FCRL3: variants seen among roughly 807,000 people sequenced by gnomAD.
FCRL3 encodes Fc receptor-like protein 3.
Under a neutral mutation model 75.0 loss-of-function variants are expected in FCRL3, and 89 were observed. The ratio of observed to expected loss-of-function variants is 1.19; its 90% CI spans 1.00 to 1.42. The LOEUF is 1.42. Ranked by LOEUF, FCRL3 falls within the 40% of genes most tolerant of loss-of-function variation. FCRL3 has a pLI of 0.00. For synonymous variants in FCRL3, 376 were observed against 348.5 expected (o/e 1.08, Z -0.88); for missense variants, 946 against 880.0 (o/e 1.07, Z -0.95).
chr1:157,696,422 C>T lies in FCRL3; in HGVS notation c.845-95G>A, dbSNP rs1413373482. 8 of 1,339,490 alleles carry T rather than the reference C, an allele frequency of 6.0e-6. No homozygotes were observed. In the Admixed American group the frequency reaches 1.4e-4, roughly 24 times the overall value. 83.0% of individuals were successfully genotyped at this position (1,339,490 alleles called of 1,614,324 possible). A position where few individuals can be genotyped will look rare whatever the true frequency, so the allele number is the denominator to read the frequency against. On this transcript the variant is annotated intron_variant, in intron 6 of 14. Coordinates refer to ENST00000368184, the MANE Select transcript of FCRL3 (RefSeq NM_052939.4). The stretch of plus-strand genomic sequence containing the variant: ...GCTACCATGAATAGGCCAATAGCAG[C>T]AGGTGCAGCAGGCAGAAGCCCAAAG...
Position 157,697,383 on chromosome 1 carries a change from G to A in FCRL3, c.601C>T (p.Pro201Ser), listed in dbSNP as rs761816945. The part of the protein sequence containing the change: ...HPVLRASSST[P>S]IEGSPMTLTC... ...AGGGTCATGGGACTCCCCTCTATGG[G>A]CGTGGAAGAGCTGGCTCTCAGCACA... Residue 201 changes from proline to serine, a missense_variant, in exon 6 of 15, where the codon CCC becomes TCC. Pro to Ser is a moderately conservative substitution (Grantham distance 74, BLOSUM62 -1). Transcript: ENST00000368184. 1.3e-6 allele frequency: 2 copies of A among 1,567,448 alleles called. No homozygotes were observed. Among genetic ancestry groups the A allele is most frequent in the African/African-American group, 2.7e-5 (2 of 72,912 alleles).
intron 13 of FCRL3, among the ~76,000 whole-genome samples, chr1:157,679,828 C>CAAAAAAAAAAAAAAAAAAAAAAAA (rs879258382): frequency 1.1e-4 from 3 of 27,906 alleles, no homozygotes; most frequent in Non-Finnish European, 2.7e-4. Context: ...GACCCCATCT[C>CAAAAAAAAAAAAAAAAAAAAAAAA]ACAAAAAAAA....
Position 157,695,509 on chromosome 1 carries a change from G to A in FCRL3, c.1231C>T (p.Pro411Ser), listed in dbSNP as rs758903910. 4 of 1,614,064 alleles carry A rather than the reference G, an allele frequency of 2.5e-6. No homozygotes were observed. The highest frequency in any genetic ancestry group is 3.4e-6 in the Non-Finnish European group (4 of 1,180,032). The stretch of plus-strand genomic sequence containing the variant: ...TGATAAAATCGGTACAGGATCGGGG[G>A]AGAGCCTCTCAGGGACTCACAGTGA... ...ELHCESLRGS[P>S]PILYRFYHED... Residue 411 changes from proline (P) to serine (S), a missense_variant, in exon 8 of 15, where the codon CCC becomes TCC. By Grantham distance (74) the Pro-to-Ser change is moderately conservative. Coordinates refer to ENST00000368184, the MANE Select transcript of FCRL3 (RefSeq NM_052939.4).
At chr1:157,679,485 A>G (rs1344544593) in intron 13 of FCRL3, among the ~76,000 whole-genome samples, 1 of 152,162 alleles carries the variant, frequency 6.6e-6, no homozygotes, top group Non-Finnish European at 1.5e-5. Flanking sequence ...AAAGAGTTGC[A>G]TTGGAGCATT....
At position 157,690,339 on chromosome 1, in the gene FCRL3, T is replaced by C; in HGVS notation, c.1606A>G (p.Thr536Ala). The change falls in exon 9 of 15, where the codon ACA (threonine) becomes GCA (alanine). Residue 536 changes from threonine to alanine, a missense_variant. Thr to Ala is a moderately conservative substitution (Grantham distance 58). Transcript: ENST00000368184. ...GGASFNLSLT[T>A]EHSGNYSCEA... is the part of the protein sequence containing the mutation. ...CATGAGTAGTTTCCAGAATGTTCTGTAGTCAGAGAGAGGTTGAAGGATGCC... is the reference window on the plus strand; with the variant it reads ...CATGAGTAGTTTCCAGAATGTTCTGCAGTCAGAGAGAGGTTGAAGGATGCC... The C allele has an allele frequency of 1.9e-6, 3 of 1,614,220 alleles. No homozygotes were observed. Among genetic ancestry groups the C allele is most frequent in the Non-Finnish European group, 2.5e-6 (3 of 1,180,036 alleles).
chr1:157,698,545 C>T lies in FCRL3; in HGVS notation c.137G>A (p.Ser46Asn), dbSNP rs1013565012. ...TCCCTGGGCTAGGGAATGTGATATGCTGCTGCATATGAGAGCCACTTTTTC... is the reference window on the plus strand; with the variant it reads ...TCCCTGGGCTAGGGAATGTGATATGTTGCTGCATATGAGAGCCACTTTTTC... ...KGEKVALICSSISHSLAQGDT... is the reference protein window; with the variant it reads ...KGEKVALICSNISHSLAQGDT... The change falls in exon 4 of 15, where the codon AGC becomes AAC. Residue 46 changes from serine to asparagine, a missense_variant. Ser to Asn is a conservative substitution (Grantham distance 46, BLOSUM62 1). Transcript: ENST00000368184. 1.2e-6 allele frequency: 2 copies of T among 1,614,144 alleles called. No individual in the cohort carries two copies. The highest frequency in any genetic ancestry group is 1.3e-5 in the African/African-American group (1 of 75,058).
chr1:157,699,898 C>T (rs893705406), intron 2 of FCRL3, among the ~76,000 whole-genome samples, 186 bp from the exon 3 acceptor site: 1 of 152,152 alleles, frequency 6.6e-6, no homozygotes, highest in Non-Finnish European at 1.5e-5. Context: ...ATGTCCAAGG[C>T]CTGACCTCAT....
rs7548095 is a variant in FCRL3, at chr1:157,679,602, G to A, written c.2027-629C>T. Among the ~76,000 whole-genome samples, 126 of 152,110 alleles carry A rather than the reference G, an allele frequency of 8.3e-4. 1 individual carries two copies. In the Middle Eastern group the frequency reaches 0.017, roughly 21 times the overall value. On this transcript the variant is annotated intron_variant, in intron 13 of 14. Coordinates refer to ENST00000368184, the MANE Select transcript of FCRL3 (RefSeq NM_052939.4). ...AGCAATGCCTTCTATTAGGCATTAG[G>A]TAAGGTATAAGGAGATAGAAATGAC...
intron 13 of FCRL3, chr1:157,679,307 A>G (rs1654670906): frequency 2.7e-6 from 1 of 372,952 alleles, no homozygotes; most frequent in Non-Finnish European, 5.0e-6. Flanking sequence ...TCTGCTCATT[A>G]TAACCCCAGA....
chr1:157,697,014 GAGA>G lies in FCRL3; in HGVS notation c.844+123_844+125del, dbSNP rs768082401. 2.5e-5 allele frequency: 24 copies of G among 964,394 alleles called. No homozygotes were observed. In the South Asian group the frequency reaches 8.1e-4, roughly 33 times the overall value. The allele number at this position is 964,394 out of a possible 1,614,324, so 59.7% of individuals were successfully genotyped here. On this transcript the variant is annotated intron_variant, in intron 6 of 14. Coordinates refer to ENST00000368184, the MANE Select transcript of FCRL3 (RefSeq NM_052939.4). Reference sequence around the variant, plus strand: ...GTTAGACCAACGTTGAGCTTAAAGAGAGAAGATTACCAGAATAGCTGGACACTC... The same window carrying G: ...GTTAGACCAACGTTGAGCTTAAAGAGAGATTACCAGAATAGCTGGACACTC...
In FCRL3 at chr1:157,678,422, C is replaced by A. The variant is rs1162817818; in HGVS notation, c.*288G>T. 8.8e-6 allele frequency: 11 copies of A among 1,248,666 alleles called. No individual in the cohort carries two copies. Among genetic ancestry groups the A allele is most frequent in the Non-Finnish European group, 8.1e-6 (8 of 989,100 alleles). 77.3% of individuals were successfully genotyped at this position (1,248,666 alleles called of 1,614,324 possible). On this transcript the variant is annotated 3_prime_UTR_variant, in exon 15 of 15. Transcript: ENST00000368184. The stretch of plus-strand genomic sequence containing the variant: ...CCTTGTAACCCTGGCTAGACCATTT[C>A]TCTCTCCTCCTCTATTCGACAGCCC...
chr1:157,680,803 C>T, intron 12 of FCRL3, 33 bp from the exon 13 acceptor site: 2 of 1,598,748 alleles, frequency 1.3e-6, no homozygotes, highest in Admixed American at 1.7e-5. Flanking sequence ...TGGTTGCAGT[C>T]AAGAGCTCAT....
At chr1:157,700,139 G>T (rs964368583) in intron 2 of FCRL3, among the ~76,000 whole-genome samples, 2 of 152,208 alleles carry the variant, frequency 1.3e-5, no homozygotes, top group Non-Finnish European at 2.9e-5. Context: ...AGAAGTAACT[G>T]CTCATCTGAA....
rs74120721 is a variant in FCRL3 at position 157,695,142 on chromosome 1, A to T, written c.1411+187T>A. Among the ~76,000 whole-genome samples the T allele has an allele frequency of 2.2e-3, 342 of 152,292 alleles. 1 individual carries two copies. The highest frequency in any genetic ancestry group is 7.9e-3 in the African/African-American group (328 of 41,562). On this transcript the variant is annotated intron_variant, in intron 8 of 14. Coordinates refer to ENST00000368184, the MANE Select transcript of FCRL3 (RefSeq NM_052939.4). ...TGTTGATGATAATTACAGAGGAATT[A>T]AAAAAAGGAATGGTCTAAGTTACTA...
Position 157,677,103 on chromosome 1 carries a change from G to A in FCRL3, c.*1607C>T, listed in dbSNP as rs1654510437. The A allele has an allele frequency of 2.7e-6, 3 of 1,096,568 alleles. No homozygotes were observed. The highest frequency in any genetic ancestry group is 2.8e-5 in the South Asian group (1 of 36,066). The allele number at this position is 1,096,568 out of a possible 1,614,324, so 67.9% of individuals were successfully genotyped here. ...ATCATGCCCTGCACTCAAAGGCCAG[G>A]ATAAGGGTAACAGAGGCCAGTGGGA... On this transcript the variant is annotated 3_prime_UTR_variant, in exon 15 of 15. Transcript: ENST00000368184.
intron 10 of FCRL3, among the ~76,000 whole-genome samples, chr1:157,686,498 A>G (rs1655185852): frequency 6.6e-6 from 1 of 152,218 alleles, no homozygotes; most frequent in Non-Finnish European, 1.5e-5. Context: ...CTAAGCAAAG[A>G]CAGCAAAGCT....
At chr1:157,694,460 T>C (rs754287428) in intron 8 of FCRL3, among the ~76,000 whole-genome samples, 18 of 152,190 alleles carry the variant, frequency 1.2e-4, no homozygotes, top group Non-Finnish European at 2.5e-4. Flanking sequence ...CTGGAATCAT[T>C]GGAGAACAAG....
Position 157,698,438 on chromosome 1 carries a change from A to C in FCRL3, c.244T>G (p.Cys82Gly), listed in dbSNP as rs780334142. The C allele has an allele frequency of 6.2e-7, 1 of 1,614,058 alleles. No homozygotes were observed. The highest frequency in any genetic ancestry group is 1.1e-5 in the South Asian group (1 of 91,084). Residue 82 changes from cysteine to glycine, a missense_variant, in exon 4 of 15, where the codon TGT becomes GGT. Coordinates refer to ENST00000368184, the MANE Select transcript of FCRL3 (RefSeq NM_052939.4). The stretch of plus-strand genomic sequence containing the variant: ...CTGAGGGAGGATCCTCGGGTCTTAC[A>C]TTGGTAATTTCCAGGCTCTGTAATT... Reference protein sequence around the residue: ...IQITEPGNYQCKTRGSSLSDA... With the variant: ...IQITEPGNYQGKTRGSSLSDA...
Position 157,695,498 on chromosome 1 carries a change from CAGGATCGGGGGAG to C in FCRL3, c.1229_1241del (p.Ser410CysfsTer28). ...TGACATCCTCATGATAAAATCGGTA[CAGGATCGGGGGAG>C]AGCCTCTCAGGGACTCACAGTGAAG... On this transcript the variant is annotated frameshift_variant, in exon 8 of 15. Coordinates refer to ENST00000368184, the MANE Select transcript of FCRL3 (RefSeq NM_052939.4). LOFTEE classifies it high-confidence loss of function. 6.2e-7 allele frequency: 1 copy of C among 1,614,188 alleles called. No individual in the cohort carries two copies. Among genetic ancestry groups the C allele is most frequent in the East Asian group, 2.2e-5 (1 of 44,880 alleles).
Sources: gnomAD v4.1 joint callset for allele counts (sites outside exome capture counted in the v4.1 genomes callset) on GRCh38, gnomAD v4.1.1 for gene constraint, MANE v1.5 for transcripts, NCBI Gene and HGNC (gene_info 2026-07-23, HGNC 2026-07-21) for gene names.